Variants in CLASP2 observed in about 807,000 individuals in gnomAD.
CLASP2 encodes the protein cytoplasmic linker associated protein 2, also known as CLIP-associating protein 2.
CLASP2 carries 47 observed loss-of-function variants against 194.4 expected under a neutral mutation model. That is an observed-to-expected ratio of 0.24 (90% CI 0.19 to 0.31). The LOEUF is 0.31. Among genes scored for constraint, CLASP2 ranks in the 10% least tolerant of loss-of-function variants. CLASP2 has a pLI of 1.00. For missense variants in CLASP2, 1,445 were observed against 1,823.6 expected (o/e 0.79, Z 3.78); for synonymous variants, 619 against 633.5 (o/e 0.98, Z 0.34).
intron 21 of CLASP2, among the ~76,000 whole-genome samples, chr3:33,590,852 A>G (rs561272653): frequency 2.0e-4 from 31 of 152,330 alleles, no homozygotes; most frequent in African/African-American, 6.5e-4. Flanking sequence ...TCACCTAAAC[A>G]ATGGCAGAAG....
intron 7 of CLASP2, among the ~76,000 whole-genome samples, chr3:33,645,747 C>A (rs1406394990): frequency 6.6e-6 from 1 of 152,122 alleles, no homozygotes; most frequent in Non-Finnish European, 1.5e-5. Flanking sequence ...AAAGCATAGA[C>A]TGCCACAGTG....
At chr3:33,651,657 C>CT (rs1213189049) in intron 7 of CLASP2, among the ~76,000 whole-genome samples, 44,011 of 119,554 alleles carry the variant, frequency 0.37, 9,077 homozygotes, top group East Asian at 0.62. Flanking sequence ...TTCCACCTCA[C>CT]TTTTTTTTTT....
intron 9 of CLASP2, among the ~76,000 whole-genome samples, chr3:33,631,740 C>T (rs2079125167): frequency 6.6e-6 from 1 of 150,918 alleles, no homozygotes; most frequent in Non-Finnish European, 1.5e-5. Context: ...ATGGAATAGC[C>T]AAAAATTAGA....
In CLASP2 at chr3:33,535,472, G is replaced by C; in HGVS notation, c.3559-11C>G. The stretch of plus-strand genomic sequence containing the variant: ...AGGACCACCACACATCTATCAATGG[G>C]AAGTGAAAGCCACAGCAAATTAACT... On this transcript the variant is annotated splice_polypyrimidine_tract_variant and intron_variant, in intron 33 of 38. Transcript: ENST00000682230. 1 of 1,599,510 alleles carries C rather than the reference G, an allele frequency of 6.3e-7. No homozygotes were observed. Among genetic ancestry groups the C allele is most frequent in the Non-Finnish European group, 8.6e-7 (1 of 1,168,378 alleles).
rs2154178552 is a variant in CLASP2 at position 33,560,904 on chromosome 3, C to A, written c.2834G>T (p.Trp945Leu). 6.2e-7 allele frequency: 1 copy of A among 1,613,744 alleles called. No homozygotes were observed. The highest frequency in any genetic ancestry group is 2.2e-5 in the East Asian group (1 of 44,878). The change falls in exon 28 of 39, where the codon TGG becomes TTG. Residue 945 changes from tryptophan (W) to leucine (L), a missense_variant. By Grantham distance (61) the Trp-to-Leu change is moderately conservative (BLOSUM62 -2). This residue lies in a region of CLASP2 where 732 missense variants were observed against 987.9 expected (regional missense o/e 0.74). Coordinates refer to ENST00000682230, the MANE Select transcript of CLASP2 (RefSeq NM_001365631.1). ...IQVHKDDLQDWLFVLLTQLLK... is the reference protein window; with the variant it reads ...IQVHKDDLQDLLFVLLTQLLK... Reference sequence around the variant, plus strand: ...TAGTTGTGTCAGCAGTACAAACAACCAATCTTGAAGATCATCTTTGTGGAC... The same window carrying A: ...TAGTTGTGTCAGCAGTACAAACAACAAATCTTGAAGATCATCTTTGTGGAC...
At chr3:33,535,569 T>C in intron 33 of CLASP2, 108 bp from the exon 34 acceptor site, 1 of 877,462 alleles carries the variant, frequency 1.1e-6, no homozygotes, top group Non-Finnish European at 1.7e-6. Context: ...TTTAAAAAGA[T>C]AACAATAACC....
chr3:33,677,828 A>G (rs1238857355), intron 6 of CLASP2, among the ~76,000 whole-genome samples: 1 of 150,598 alleles, frequency 6.6e-6, no homozygotes, highest in Non-Finnish European at 1.5e-5. Flanking sequence ...AAAAACTATG[A>G]TTAATAGCTA....
chr3:33,523,148 G>C (rs1247203434), intron 34 of CLASP2, among the ~76,000 whole-genome samples: 2 of 152,134 alleles, frequency 1.3e-5, no homozygotes, highest in Non-Finnish European at 2.9e-5. Context: ...GCAGGCAAAA[G>C]AATTAGTGAG....
intron 12 of CLASP2, among the ~76,000 whole-genome samples, chr3:33,613,240 T>C (rs547687153): frequency 1.4e-4 from 21 of 152,244 alleles, no homozygotes; most frequent in Admixed American, 2.0e-4. Context: ...GAGGAAGAAA[T>C]TGAACTGTGA....
At chr3:33,535,496 C>T (rs771394663) in intron 33 of CLASP2, 35 bp from the exon 34 acceptor site, 7 of 1,508,948 alleles carry the variant, frequency 4.6e-6, no homozygotes, top group Non-Finnish European at 6.4e-6. Context: ...AGCAAATTAA[C>T]TCATTTTTCA....
chr3:33,497,043 CAGTA>C lies in CLASP2; in HGVS notation c.*1584_*1587del, dbSNP rs1271367272. ...AGTTTTATTGCCAGTATATGCACAA[CAGTA>C]AGCATAGAACTATAAATACACAATG... On this transcript the variant is annotated 3_prime_UTR_variant, in exon 39 of 39. Transcript: ENST00000682230. 6.6e-6 allele frequency: 1 copy of C among 152,510 alleles called. No individual in the cohort carries two copies. The highest frequency in any genetic ancestry group is 1.9e-4 in the East Asian group (1 of 5,190). 9.4% of individuals were successfully genotyped at this position (152,510 alleles called of 1,614,324 possible). A position where few individuals can be genotyped will look rare whatever the true frequency, so the allele number is the denominator to read the frequency against.
chr3:33,526,008 CA>C (rs1559861577), intron 34 of CLASP2, among the ~76,000 whole-genome samples: 2 of 152,184 alleles, frequency 1.3e-5, no homozygotes, highest in East Asian at 1.9e-4. Context: ...TTGATCTGAC[CA>C]GGGGGCGGAA....
chr3:33,661,184 G>T (rs1193982499), intron 7 of CLASP2, among the ~76,000 whole-genome samples: 1 of 152,112 alleles, frequency 6.6e-6, no homozygotes, highest in Non-Finnish European at 1.5e-5. Flanking sequence ...ATTAAACAAG[G>T]AGTAGTTATA....
At chr3:33,659,674 C>G (rs1042315704) in intron 7 of CLASP2, 2 of 152,480 alleles carry the variant, frequency 1.3e-5, no homozygotes, top group African/African-American at 4.8e-5. Flanking sequence ...CAGGGCCACA[C>G]GGAACAAAGC....
intron 1 of CLASP2, among the ~76,000 whole-genome samples, chr3:33,710,096 G>A (rs941545333): frequency 9.2e-5 from 14 of 152,144 alleles, no homozygotes; most frequent in African/African-American, 3.1e-4. Context: ...TTATTTTACT[G>A]TCTACCTTTA....
At chr3:33,715,153 C>T (rs560128909) in intron 1 of CLASP2, among the ~76,000 whole-genome samples, 7 of 152,328 alleles carry the variant, frequency 4.6e-5, no homozygotes, top group Admixed American at 1.3e-4. Flanking sequence ...AGTGTCTGCA[C>T]TCACATGTCA....
chr3:33,517,136 A>T lies in CLASP2; in HGVS notation c.3826T>A (p.Leu1276Met). ...TCATTATGGTTAGACAGCTCCTTCA[A>T]CAACTCTGCAACTAGGTCAGAATGA... ...LDHSDLVAEL[L>M]KELSNHNERV... The change falls in exon 35 of 39, where the codon TTG (leucine) becomes ATG (methionine). Residue 1276 changes from leucine to methionine, a missense_variant. Physicochemically the swap from Leu to Met is conservative, Grantham distance 15. This residue lies in a region of CLASP2 where 732 missense variants were observed against 987.9 expected (regional missense o/e 0.74). Coordinates refer to ENST00000682230, the MANE Select transcript of CLASP2 (RefSeq NM_001365631.1). 1 of 1,613,364 alleles carries T rather than the reference A, an allele frequency of 6.2e-7. No homozygotes were observed. Among genetic ancestry groups the T allele is most frequent in the Non-Finnish European group, 8.5e-7 (1 of 1,179,706 alleles).
chr3:33,573,038 T>C (rs547596776), intron 25 of CLASP2, 72 bp downstream of exon 25: 2 of 1,548,310 alleles, frequency 1.3e-6, no homozygotes, highest in East Asian at 2.2e-5. Flanking sequence ...ATCTCTAAAG[T>C]GTTATAGAAA....
intron 7 of CLASP2, among the ~76,000 whole-genome samples, chr3:33,647,957 T>C (rs533001196): frequency 1.3e-5 from 2 of 151,356 alleles, no homozygotes; most frequent in Non-Finnish European, 2.9e-5. Flanking sequence ...GGCGTGAACC[T>C]GGGAGGTGGA....
Sources: allele counts gnomAD v4.1 joint callset (sites outside exome capture counted in the v4.1 genomes callset), GRCh38; gene constraint gnomAD v4.1.1; regional missense constraint gnomAD v4.1.1; transcripts MANE v1.5; gene names NCBI Gene and HGNC (gene_info 2026-07-23, HGNC 2026-07-21).